Variants in GRK1 observed in about 807,000 individuals in gnomAD.
The protein encoded by GRK1 is G protein-coupled receptor kinase 1, also known as rhodopsin kinase GRK1.
GRK1 carries 28 observed loss-of-function variants against 41.7 expected under a neutral mutation model. The ratio of observed to expected loss-of-function variants is 0.67; its 90% confidence interval spans 0.50 to 0.92. The LOEUF (loss-of-function observed/expected upper bound fraction) is 0.92, where lower values mean the gene tolerates loss of function less well. GRK1 is among the 40% of genes least tolerant of loss of function. The pLI is 0.00. For synonymous variants in GRK1, 327 were observed against 286.7 expected, an observed-to-expected ratio of 1.14 and a Z score of -1.42; for missense variants, 703 against 671.2, an observed-to-expected ratio of 1.05 and a Z score of -0.52.
chr13:113,649,211 T>C, the GRK1 span: 1 of 688,684 alleles, frequency 1.5e-6, no homozygotes, highest in Non-Finnish European at 2.3e-6. This position sits in a 1 kb window ranked among gnomAD's most constrained non-coding sequence, Gnocchi z 4.7. Context: ...GAGCAGGTCC[T>C]TCAGATGTGG....
the GRK1 span, chr13:113,650,272 A>G: frequency 2.5e-6 from 2 of 799,244 alleles, no homozygotes; most frequent in Non-Finnish European, 4.2e-6. This position sits in a 1 kb window ranked among gnomAD's most constrained non-coding sequence, Gnocchi z 5.0. Context: ...AACACGCAGA[A>G]CGTTCCAGTC....
chr13:113,672,425 T>G, intron 3 of GRK1, among the ~76,000 whole-genome samples: 1 of 151,662 alleles, frequency 6.6e-6, no homozygotes, highest in South Asian at 2.1e-4. Context: ...GGTGTGTTCG[T>G]GGTGTGGTGT....
At chr13:113,662,842 C>G (rs2049797465), upstream of GRK1, among the ~76,000 whole-genome samples, 1 of 152,090 alleles carries the variant, frequency 6.6e-6, no homozygotes, top group Non-Finnish European at 1.5e-5. Context: ...GTGGAAGACT[C>G]AACATAACAA....
chr13:113,668,117 G>C (rs750249657), intron 1 of GRK1, 32 bp downstream of exon 1: 13 of 1,573,932 alleles, frequency 8.3e-6, no homozygotes. Context: ...GCAGGGATGG[G>C]GTGGCAGGGT....
chr13:113,735,530 A>G lies in GRK1; in HGVS notation c.*167A>G, dbSNP rs149689962. The G allele has an allele frequency of 0.15, 104,586 of 706,906 alleles. 10,365 individuals are homozygous for G. Among genetic ancestry groups the G allele is most frequent in the African/African-American group, 0.37 (20,213 of 55,186 alleles). The allele number at this position is 706,906 out of a possible 1,614,324, so 43.8% of individuals were successfully genotyped here. On this transcript the variant is annotated 3_prime_UTR_variant, in exon 7 of 7. Coordinates refer to ENST00000335678, the MANE Select transcript of GRK1 (RefSeq NM_002929.3). ...GCGGCCCAAGGAGGAGAAAGCCCAC[A>G]TCGGCCTGAGCCGCCAGACGCACAT...
rs555868097 is a variant in GRK1, at chr13:113,723,503, G to A, written c.1069+346G>A. On this transcript the variant is annotated intron_variant, in intron 4 of 6. Coordinates refer to ENST00000335678, the MANE Select transcript of GRK1 (RefSeq NM_002929.3). ...ATCAGCATATGTAAGATGAACACTG[G>A]TTCGGTCTGGAAAGGCGGGAGGGGG... Among the ~76,000 whole-genome samples the A allele has an allele frequency of 3.7e-4, 56 of 152,036 alleles. 1 individual carries two copies. Among genetic ancestry groups the A allele is most frequent in the African/African-American group, 1.2e-3 (50 of 41,322 alleles).
chr13:113,734,998 G>A (rs2049991966), intron 6 of GRK1, 70 bp from the exon 7 acceptor site: 3 of 1,396,954 alleles, frequency 2.1e-6, no homozygotes, highest in Non-Finnish European at 1.9e-6. Flanking sequence ...GGGGGAGGGG[G>A]CTTTTTGGCT....
chr13:113,650,483 G>T, the GRK1 span: 2 of 1,613,526 alleles, frequency 1.2e-6, no homozygotes, highest in East Asian at 2.2e-5. The surrounding 1 kb of genome is among the most constrained non-coding windows in gnomAD (Gnocchi z 5.0). Flanking sequence ...ACCTGCAGCG[G>T]CTGGCCGAGC....
In GRK1 at chr13:113,733,569, GTGTA is replaced by G. The variant is rs1056899074; in HGVS notation, c.1396+488_1396+491del. Among the ~76,000 whole-genome samples, 83 of 151,590 alleles carry G rather than the reference GTGTA, an allele frequency of 5.5e-4. 1 individual carries two copies. Among genetic ancestry groups the G allele is most frequent in the Admixed American group, 2.0e-4 (3 of 15,270 alleles). ...TGTGCGCGCACGTGTGTCCATGTAT[GTGTA>G]TGTGTGTGCATACGTGTGTGTGCAT... On this transcript the variant is annotated intron_variant, in intron 6 of 6. Transcript: ENST00000335678.
In GRK1 at chr13:113,731,377, C is replaced by G. The variant is rs1408575527; in HGVS notation, c.1194+34C>G. ...CGGCCGGCAGGTGTCTCTGCAGCCA[C>G]CTTGGCGCCCTGGCTCTCGATGGGG... On this transcript the variant is annotated intron_variant, in intron 5 of 6. Transcript: ENST00000335678. This position sits in a 1 kb window ranked among gnomAD's most constrained non-coding sequence, Gnocchi z 5.6. The G allele has an allele frequency of 1.1e-5, 17 of 1,536,168 alleles. No individual in the cohort carries two copies. The highest frequency in any genetic ancestry group is 1.5e-5 in the Non-Finnish European group (17 of 1,146,476).
the GRK1 span, chr13:113,650,393 G>T: frequency 6.2e-7 from 1 of 1,612,228 alleles, no homozygotes; most frequent in South Asian, 1.1e-5. The surrounding 1 kb of genome is among the most constrained non-coding windows in gnomAD (Gnocchi z 5.0). Context: ...AAGCGTGGAA[G>T]GAAGGAACCT....
chr13:113,733,350 A>G (rs1256764996), intron 6 of GRK1, among the ~76,000 whole-genome samples: 2 of 152,210 alleles, frequency 1.3e-5, no homozygotes, highest in Admixed American at 6.5e-5. Context: ...TCGAGACCCA[A>G]ACCTTCCACC....
chr13:113,671,638 G>A lies in GRK1; in HGVS notation c.967G>A (p.Val323Met), dbSNP rs761476725. ...IVYRDLKPEN[V>M]LLDNDGNVRI... ...CTACCGCGACCTCAAGCCCGAGAACGTGCTGCTGGACAATGACGGTAGGAG... is the reference window on the plus strand; with the variant it reads ...CTACCGCGACCTCAAGCCCGAGAACATGCTGCTGGACAATGACGGTAGGAG... The change falls in exon 3 of 7, where the codon GTG (valine) becomes ATG (methionine). Residue 323 changes from valine to methionine, a missense_variant. Coordinates refer to ENST00000335678, the MANE Select transcript of GRK1 (RefSeq NM_002929.3). This position sits in a 1 kb window ranked among gnomAD's most constrained non-coding sequence, Gnocchi z 4.1. The A allele has an allele frequency of 1.2e-5, 9 of 766,158 alleles. No individual in the cohort carries two copies. Among genetic ancestry groups the A allele is most frequent in the East Asian group, 2.4e-5 (1 of 41,144 alleles). 47.5% of individuals were successfully genotyped at this position (766,158 alleles called of 1,614,324 possible).
At chr13:113,669,269 G>A (rs1789136376) in intron 1 of GRK1, among the ~76,000 whole-genome samples, 1 of 152,210 alleles carries the variant, frequency 6.6e-6, no homozygotes, top group Non-Finnish European at 1.5e-5. Context: ...TCAAAATAAA[G>A]ACAAAATGAA....
At chr13:113,658,862 C>T in the GRK1 span, among the ~76,000 whole-genome samples, 2 of 152,196 alleles carry the variant, frequency 1.3e-5, no homozygotes, top group South Asian at 2.1e-4. Context: ...ATCTAGTGGT[C>T]CTCAAAATGA....
the GRK1 span, among the ~76,000 whole-genome samples, chr13:113,658,980 G>A: frequency 3.3e-5 from 5 of 152,282 alleles, no homozygotes; most frequent in East Asian, 7.7e-4. Context: ...AGTAAGGCAG[G>A]GTCCAGGTGG....
intron 2 of GRK1, among the ~76,000 whole-genome samples, chr13:113,670,114 C>T (rs11838659): frequency 1.2e-4 from 18 of 152,054 alleles, no homozygotes; most frequent in Non-Finnish European, 2.5e-4. Flanking sequence ...ATGCAGTCGG[C>T]GGGGCCTCTG....
Position 113,667,833 on chromosome 13 carries a change from G to A in GRK1, c.447G>A (p.Leu149=), listed in dbSNP as rs748167188. The A allele has an allele frequency of 1.3e-6, 2 of 1,592,504 alleles. No homozygotes were observed. The highest frequency in any genetic ancestry group is 3.5e-5 in the Admixed American group (2 of 57,514). ...TCCAGGACGGGCTCTTCCAGCCCCT[G>A]CTGCAGGCCACCCTGGCACACCTGG... ...VEIQDGLFQP[L]LQATLAHLGQ... is the part of the protein sequence containing the mutation. The change falls in exon 1 of 7, where the codon CTG becomes CTA. Residue 149 remains leucine, a synonymous_variant. Transcript: ENST00000335678. The surrounding 1 kb of genome is among the most constrained non-coding windows in gnomAD (Gnocchi z 7.5).
Position 113,671,588 on chromosome 13 carries a change from A to G in GRK1, c.917A>G (p.Glu306Gly), listed in dbSNP as rs767932187. The G allele has an allele frequency of 1.7e-5, 13 of 775,562 alleles. No individual in the cohort carries two copies. The highest frequency in any genetic ancestry group is 2.4e-5 in the Non-Finnish European group (10 of 417,940). 48.0% of individuals were successfully genotyped at this position (775,562 alleles called of 1,614,324 possible). A position where few individuals can be genotyped will look rare whatever the true frequency, so the allele number is the denominator to read the frequency against. Reference protein sequence around the residue: ...FYTAQIICGLEHLHQRRIVYR... With the variant: ...FYTAQIICGLGHLHQRRIVYR... ...ACGGCGCAGATCATCTGCGGCCTGG[A>G]GCACCTGCACCAGAGGCGGATCGTC... is the stretch of plus-strand genomic sequence containing the variant. The change falls in exon 3 of 7, where the codon GAG becomes GGG. Residue 306 changes from glutamate (E) to glycine (G), a missense_variant. Transcript: ENST00000335678. The surrounding 1 kb of genome is among the most constrained non-coding windows in gnomAD (Gnocchi z 4.1).
Sources: gnomAD v4.1 joint callset for allele counts (sites outside exome capture counted in the v4.1 genomes callset) on GRCh38, gnomAD v4.1.1 for gene constraint, Gnocchi (gnomAD v3.1) non-coding constraint, MANE v1.5 for transcripts, NCBI Gene and HGNC (gene_info 2026-07-23, HGNC 2026-07-21) for gene names.